The following RASA1 variants were observed in gnomAD, a reference collection of about 807,000 sequenced individuals.
The protein encoded by RASA1 is RAS p21 protein activator 1.
RASA1 carries 25 observed loss-of-function variants against 132.2 expected under a neutral mutation model. The ratio of observed to expected loss-of-function variants is 0.19; its 90% CI spans 0.14 to 0.26. The LOEUF is 0.26. RASA1 is among the 10% of genes least tolerant of loss of function. The pLI is 1.00. For synonymous variants in RASA1, 477 were observed against 449.9 expected (o/e 1.06, Z -0.76); for missense variants, 964 against 1,299.2 (o/e 0.74, Z 3.97).
At chr5:87,288,540 C>T (rs185231645) in intron 1 of RASA1, among the ~76,000 whole-genome samples, 10 of 152,090 alleles carry the variant, frequency 6.6e-5, no homozygotes, top group Admixed American at 2.0e-4. Context: ...TTGTAGCAAA[C>T]GATGTGGTCA....
At chr5:87,312,918 G>GT (rs1756025919) in intron 1 of RASA1, among the ~76,000 whole-genome samples, 1 of 152,226 alleles carries the variant, frequency 6.6e-6, no homozygotes, top group Non-Finnish European at 1.5e-5. Flanking sequence ...TGGTTCAGGT[G>GT]TTTATCAGGG....
intron 21 of RASA1, 59 bp downstream of exon 21, chr5:87,383,839 A>G (rs1761892563): frequency 2.2e-6 from 3 of 1,347,826 alleles, no homozygotes; most frequent in Non-Finnish European, 2.1e-6. Context: ...GTTTCATACT[A>G]TTTAAGAATA....
chr5:87,317,295 C>T (rs1356040054), intron 1 of RASA1, among the ~76,000 whole-genome samples: 1 of 152,132 alleles, frequency 6.6e-6, no homozygotes. Context: ...AGCTGCTCTG[C>T]TTTGCCATTT....
At chr5:87,387,283 C>A (rs1762128035) in intron 23 of RASA1, among the ~76,000 whole-genome samples, 1 of 152,080 alleles carries the variant, frequency 6.6e-6, no homozygotes, top group Non-Finnish European at 1.5e-5. Flanking sequence ...TGACACAGTT[C>A]TGACCAGGTT....
At chr5:87,290,762 G>A (rs1426955547) in intron 1 of RASA1, among the ~76,000 whole-genome samples, 1 of 152,098 alleles carries the variant, frequency 6.6e-6, no homozygotes, top group Non-Finnish European at 1.5e-5. Flanking sequence ...TTTCACATTG[G>A]CTTCTTTCAC....
intron 1 of RASA1, among the ~76,000 whole-genome samples, chr5:87,310,325 A>G (rs1755816435): frequency 6.6e-6 from 1 of 152,228 alleles, no homozygotes; most frequent in African/African-American, 2.4e-5. Context: ...ACTAGAATTT[A>G]TCATCAAAAT....
In RASA1 at chr5:87,268,750, CTGGCGTGGCCGGTGCTGCTGT is replaced by C. The variant is rs1258942509; in HGVS notation, c.302_322del (p.Gly101_Val107del). 3.7e-6 allele frequency: 6 copies of C among 1,613,410 alleles called. No individual in the cohort carries two copies. In the Admixed American group the frequency reaches 8.3e-5, roughly 22 times the overall value. ...GCTGCTGGCGTAGCTGGTGCTGCTG[CTGGCGTGGCCGGTGCTGCTGT>C]TGCTGGACCTAGTGGAGACATGGCT... On this transcript the variant is annotated inframe_deletion, in exon 1 of 25. Coordinates refer to ENST00000274376, the MANE Select transcript of RASA1 (RefSeq NM_002890.3).
At chr5:87,354,599 A>T (rs909563259) in intron 9 of RASA1, among the ~76,000 whole-genome samples, 1 of 152,104 alleles carries the variant, frequency 6.6e-6, no homozygotes, top group African/African-American at 2.4e-5. Context: ...AACACTATTA[A>T]AATTGGGCCA....
chr5:87,309,776 G>GT (rs1330116644), intron 1 of RASA1, among the ~76,000 whole-genome samples: 1 of 151,852 alleles, frequency 6.6e-6, no homozygotes, highest in Non-Finnish European at 1.5e-5. Flanking sequence ...TAAACCTATA[G>GT]TTTTTATAGT....
intron 12 of RASA1, among the ~76,000 whole-genome samples, chr5:87,370,949 G>A (rs1760891389): frequency 6.6e-6 from 1 of 152,058 alleles, no homozygotes; most frequent in African/African-American, 2.4e-5. Flanking sequence ...CATTTCACAT[G>A]TAATGCACAT....
intron 1 of RASA1, among the ~76,000 whole-genome samples, chr5:87,282,683 A>G (rs1754368457): frequency 6.6e-6 from 1 of 152,040 alleles, no homozygotes; most frequent in Non-Finnish European, 1.5e-5. Flanking sequence ...ACGGAGTTAG[A>G]TCTTACGTTA....
chr5:87,389,273 G>T, intron 23 of RASA1, 120 bp from the exon 24 acceptor site: 2 of 1,328,596 alleles, frequency 1.5e-6, no homozygotes, highest in African/African-American at 2.9e-5. Context: ...GGAGGTTGCA[G>T]TGAGCCGAGA....
At chr5:87,328,398 AAGACTT>A (rs1757387431) in intron 1 of RASA1, among the ~76,000 whole-genome samples, 1 of 152,178 alleles carries the variant, frequency 6.6e-6, no homozygotes, top group Non-Finnish European at 1.5e-5. Flanking sequence ...TTTGACTGTG[AAGACTT>A]AAGAGTAATA....
In RASA1 at chr5:87,385,305, T is replaced by C. The variant is rs763619214; in HGVS notation, c.2763T>C (p.Ser921=). 1 of 1,602,958 alleles carries C rather than the reference T, an allele frequency of 6.2e-7. No homozygotes were observed. Among genetic ancestry groups the C allele is most frequent in the Non-Finnish European group, 8.5e-7 (1 of 1,170,196 alleles). ...CTGTGCCCAATTCTGTTACAGATTC[T>C]CCATCTCCTATTGCTGCAAGAACAC... The part of the protein sequence containing the change: ...NPRMFNIISD[S]PSPIAARTLI... Residue 921 remains serine (S), a synonymous_variant, in exon 22 of 25, where the codon TCT becomes TCC. Transcript: ENST00000274376.
rs147220366 is a variant in RASA1, at chr5:87,269,143, C to T, written c.539+153C>T. The T allele has an allele frequency of 7.4e-6, 12 of 1,613,078 alleles. No individual in the cohort carries two copies. The East Asian group carries it at 2.5e-4, about 33-fold the overall frequency. ...TTCTTGGGTAGGAATTTAATCTGATCACTTATCTTCCTTACAGGCATACTA... is the reference window on the plus strand; with the variant it reads ...TTCTTGGGTAGGAATTTAATCTGATTACTTATCTTCCTTACAGGCATACTA... On this transcript the variant is annotated intron_variant, in intron 1 of 24. Transcript: ENST00000274376.
intron 4 of RASA1, among the ~76,000 whole-genome samples, chr5:87,334,863 G>A (rs1700517052): frequency 6.6e-6 from 1 of 151,962 alleles, no homozygotes; most frequent in Admixed American, 6.5e-5. Context: ...GAAAAGCAGT[G>A]AGTTGAGAGC....
intron 6 of RASA1, among the ~76,000 whole-genome samples, chr5:87,345,844 G>A (rs1278994889): frequency 2.6e-5 from 4 of 152,094 alleles, no homozygotes; most frequent in Non-Finnish European, 5.9e-5. Context: ...CCACAAAGTA[G>A]TAGATAGGTG....
At chr5:87,381,042 A>C (rs1457783387) in intron 20 of RASA1, among the ~76,000 whole-genome samples, 1 of 152,200 alleles carries the variant, frequency 6.6e-6, no homozygotes, top group African/African-American at 2.4e-5. Flanking sequence ...CAGTCTGCTC[A>C]TTGTACCATA....
intron 13 of RASA1, 139 bp downstream of exon 13, chr5:87,372,334 A>T: frequency 1.4e-6 from 1 of 732,580 alleles, no homozygotes; most frequent in Non-Finnish European, 2.4e-6. Context: ...TAGCAGGAAA[A>T]CGTTACTTCT....
Sources: allele counts gnomAD v4.1 joint callset (sites outside exome capture counted in the v4.1 genomes callset), GRCh38; gene constraint gnomAD v4.1.1; transcripts MANE v1.5; gene names NCBI Gene and HGNC (gene_info 2026-07-23, HGNC 2026-07-21).